Variants in PCDH15 observed in about 807,000 individuals in gnomAD.
PCDH15 encodes protocadherin related 15.
Under a neutral mutation model 178.5 loss-of-function variants are expected in PCDH15, and 129 were observed. The observed-to-expected ratio is 0.72, with a 90% CI of 0.63 to 0.84. The LOEUF (loss-of-function observed/expected upper bound fraction) is 0.84, where lower values mean the gene tolerates loss of function less well. Among genes scored for constraint, PCDH15 ranks in the 40% least tolerant of loss-of-function variants. The pLI is 0.00. For missense variants in PCDH15, 2,230 were observed against 2,099.9 expected (o/e 1.06, Z -1.21); for synonymous variants, 800 against 732.0 (o/e 1.09, Z -1.50).
intron 10 of PCDH15, among the ~76,000 whole-genome samples, chr10:54,197,329 ATATTT>A (rs1375987475): frequency 1.3e-5 from 2 of 151,962 alleles, no homozygotes; most frequent in Non-Finnish European, 2.9e-5. Context: ...TAAAAAATAT[ATATTT>A]TATTATATGT....
In PCDH15 at chr10:53,805,322, TAATC is replaced by T. The variant is rs1841083276; in HGVS notation, c.*1253_*1256del. On this transcript the variant is annotated 3_prime_UTR_variant, in exon 38 of 38. Coordinates refer to ENST00000644397, the MANE Select transcript of PCDH15 (RefSeq NM_001384140.1). The stretch of plus-strand genomic sequence containing the variant: ...TATTCAATAGAATTCTGAATTCTCT[TAATC>T]TATATTGTTTCATTCTTTTTACATC... 1.3e-5 allele frequency: 2 copies of T among 152,070 alleles called. No individual in the cohort carries two copies. Among genetic ancestry groups the T allele is most frequent in the African/African-American group, 4.8e-5 (2 of 41,444 alleles). The allele number at this position is 152,070 out of a possible 1,614,324, so 9.4% of individuals were successfully genotyped here.
chr10:55,009,438 C>T (rs1367349173), intron 2 of PCDH15, among the ~76,000 whole-genome samples: 1 of 152,066 alleles, frequency 6.6e-6, no homozygotes, highest in African/African-American at 2.4e-5. Context: ...TAAAAGCCAT[C>T]TACCACCAAC....
At chr10:53,987,131 A>T (rs921206353) in intron 21 of PCDH15, among the ~76,000 whole-genome samples, 1 of 152,196 alleles carries the variant, frequency 6.6e-6, no homozygotes, top group African/African-American at 2.4e-5. Context: ...CTTTAATATA[A>T]AAATGGAGAT....
intron 8 of PCDH15, among the ~76,000 whole-genome samples, chr10:54,305,178 T>G (rs575809163): frequency 4.7e-4 from 71 of 152,170 alleles, no homozygotes; most frequent in South Asian, 3.7e-3. Context: ...GCCCCAACAG[T>G]TAAAACTATT....
chr10:54,514,535 C>T (rs925425832), intron 3 of PCDH15, among the ~76,000 whole-genome samples: 1 of 150,918 alleles, frequency 6.6e-6, no homozygotes, highest in Non-Finnish European at 1.5e-5. Flanking sequence ...GAGTAGCACA[C>T]AGTTAGTTTT....
intron 2 of PCDH15, among the ~76,000 whole-genome samples, chr10:55,358,236 T>C (rs940994671): frequency 3.3e-5 from 5 of 152,116 alleles, no homozygotes; most frequent in East Asian, 1.9e-4. Context: ...AGAGGAAACA[T>C]TTTGTATGAT....
chr10:55,260,648 C>T (rs1842125261), intron 1 of PCDH15, among the ~76,000 whole-genome samples: 1 of 152,024 alleles, frequency 6.6e-6, no homozygotes, highest in South Asian at 2.1e-4. Context: ...TCTTCTTAAG[C>T]CATTTGGGAG....
In PCDH15 at chr10:54,334,682, A is replaced by AACACACAC. The variant is rs3069761; in HGVS notation, c.595-4984_595-4977dup. Among the ~76,000 whole-genome samples the AACACACAC allele has an allele frequency of 6.4e-3, 956 of 150,136 alleles. 15 individuals carry two copies. Among genetic ancestry groups the AACACACAC allele is most frequent in the East Asian group, 0.062 (306 of 4,928 alleles). On this transcript the variant is annotated intron_variant, in intron 6 of 37. Coordinates refer to ENST00000644397, the MANE Select transcript of PCDH15 (RefSeq NM_001384140.1). ...GTTCAAAAGAAGATAATTTCTAAAG[A>AACACACAC]ACACACACACACACACACACACACA...
chr10:55,137,835 CAGCCTTT>C (rs978466971), intron 2 of PCDH15, among the ~76,000 whole-genome samples: 15 of 152,012 alleles, frequency 9.9e-5, no homozygotes, highest in Admixed American at 9.8e-4. Flanking sequence ...AATAAAAGAG[CAGCCTTT>C]AGTCCTGGTG....
At chr10:55,152,629 C>T (rs1281355586) in intron 2 of PCDH15, among the ~76,000 whole-genome samples, 2 of 152,056 alleles carry the variant, frequency 1.3e-5, no homozygotes, top group Non-Finnish European at 2.9e-5. Context: ...CTAGAAGGAT[C>T]TTCAGGGGAT....
intron 1 of PCDH15, among the ~76,000 whole-genome samples, chr10:55,296,344 T>G (rs1843132755): frequency 6.6e-6 from 1 of 152,184 alleles, no homozygotes. Context: ...GTGCTGAAAG[T>G]TCCAACCCTG....
intron 15 of PCDH15, among the ~76,000 whole-genome samples, chr10:54,119,587 C>A (rs1413952498): frequency 2.0e-5 from 3 of 152,138 alleles, no homozygotes; most frequent in East Asian, 3.9e-4. Context: ...GGGAAAAATT[C>A]AAGAAAATTT....
At chr10:55,090,399 C>T (rs1313829200) in intron 2 of PCDH15, among the ~76,000 whole-genome samples, 1 of 151,960 alleles carries the variant, frequency 6.6e-6, no homozygotes, top group African/African-American at 2.4e-5. Flanking sequence ...TATACTCAGG[C>T]TTGCTCAAGA....
chr10:54,696,682 G>C (rs1459310686), intron 1 of PCDH15, among the ~76,000 whole-genome samples: 62 of 145,004 alleles, frequency 4.3e-4, no homozygotes, highest in Non-Finnish European at 2.6e-4. Context: ...GAAAATAAAT[G>C]AAAAAAAAAA....
intron 1 of PCDH15, among the ~76,000 whole-genome samples, chr10:54,666,649 G>T (rs1407872187): frequency 6.6e-6 from 1 of 151,702 alleles, no homozygotes; most frequent in Non-Finnish European, 1.5e-5. Flanking sequence ...AATATAAAGA[G>T]AAACCATATA....
At chr10:54,008,613 A>G (rs898320057) in intron 20 of PCDH15, among the ~76,000 whole-genome samples, 11 of 152,160 alleles carry the variant, frequency 7.2e-5, no homozygotes, top group Non-Finnish European at 7.4e-5. Flanking sequence ...AGTGTTTACC[A>G]TAACTGTCTG....
chr10:55,234,232 T>A (rs1841309486), intron 1 of PCDH15, among the ~76,000 whole-genome samples: 2 of 152,160 alleles, frequency 1.3e-5, no homozygotes, highest in African/African-American at 4.8e-5. Context: ...TTGTTAATAG[T>A]TGAAATCTAA....
At chr10:54,813,003 T>C (rs1952889813) in intron 3 of PCDH15, among the ~76,000 whole-genome samples, 1 of 152,150 alleles carries the variant, frequency 6.6e-6, no homozygotes, top group Non-Finnish European at 1.5e-5. Context: ...TCATAGATGC[T>C]TCAATTTCCA....
chr10:54,420,626 T>A (rs568624188), intron 3 of PCDH15, among the ~76,000 whole-genome samples: 1 of 152,122 alleles, frequency 6.6e-6, no homozygotes, highest in African/African-American at 2.4e-5. Context: ...AAGAGATCCC[T>A]TTGATTACTC....
Sources: gnomAD v4.1 joint callset for allele counts (sites outside exome capture counted in the v4.1 genomes callset) on GRCh38, gnomAD v4.1.1 for gene constraint, MANE v1.5 for transcripts, NCBI Gene and HGNC (gene_info 2026-07-23, HGNC 2026-07-21) for gene names.